Variants in NPR3 observed in about 807,000 individuals in gnomAD.
NPR3 encodes the protein atrial natriuretic peptide receptor 3.
NPR3 carries 34 observed loss-of-function variants against 54.5 expected under a neutral mutation model. The ratio of observed to expected loss-of-function variants is 0.62; its 90% CI spans 0.47 to 0.83. The LOEUF is 0.83. NPR3 is among the 40% of genes least tolerant of loss of function. The pLI, the probability that NPR3 is intolerant of heterozygous loss-of-function variation, is 0.00. For missense variants in NPR3, 674 were observed against 720.8 expected, an observed-to-expected ratio of 0.94 and a Z score of 0.74; for synonymous variants, 289 against 297.1, an observed-to-expected ratio of 0.97 and a Z score of 0.28.
At chr5:32,773,502 C>T (rs1371944297) in intron 3 of NPR3, among the ~76,000 whole-genome samples, 1 of 152,132 alleles carries the variant, frequency 6.6e-6, no homozygotes, top group Non-Finnish European at 1.5e-5. Context: ...CCCTGTTTCT[C>T]CTGCTCCCAG....
intron 1 of NPR3, among the ~76,000 whole-genome samples, chr5:32,702,484 C>T (rs550367768): frequency 2.8e-3 from 404 of 146,016 alleles, no homozygotes; most frequent in Admixed American, 5.3e-3. Flanking sequence ...TGTTCAATTC[C>T]CACCTATGAG....
intron 2 of NPR3, among the ~76,000 whole-genome samples, chr5:32,725,749 T>C (rs865896910): frequency 2.0e-5 from 3 of 152,374 alleles, no homozygotes; most frequent in Non-Finnish European, 2.9e-5. Context: ...ATGTGCATGT[T>C]ACACCTATGT....
upstream of NPR3, among the ~76,000 whole-genome samples, chr5:32,706,930 T>C (rs1300940124): frequency 9.2e-5 from 14 of 152,210 alleles, no homozygotes; most frequent in Admixed American, 7.2e-4. Flanking sequence ...ATAAAGTTCA[T>C]ATTTTAAATT....
intron 1 of NPR3, among the ~76,000 whole-genome samples, chr5:32,698,592 T>C (rs1366232800): frequency 6.6e-6 from 1 of 152,160 alleles, no homozygotes; most frequent in East Asian, 1.9e-4. Context: ...CTCCACCTAT[T>C]ATTGTATTGG....
chr5:32,720,039 C>T lies in NPR3; in HGVS notation c.770-4659C>T, dbSNP rs140311892. On this transcript the variant is annotated intron_variant, in intron 1 of 7. Coordinates refer to ENST00000265074, the MANE Select transcript of NPR3 (RefSeq NM_001204375.2). ...AAAGCAGTTGAACATGGATTTAGAT[C>T]TATTTCCAAAAGGGCCTGCTTGCTA... is the stretch of plus-strand genomic sequence containing the variant. Among the ~76,000 whole-genome samples the T allele has an allele frequency of 3.9e-3, 591 of 152,254 alleles. 4 individuals are homozygous for T. The highest frequency in any genetic ancestry group is 0.014 in the African/African-American group (568 of 41,542).
chr5:32,731,052 G>T (rs1304226853), intron 2 of NPR3, among the ~76,000 whole-genome samples: 1 of 152,174 alleles, frequency 6.6e-6, no homozygotes. Flanking sequence ...CAATGAGATT[G>T]AGTTTATGTA....
At chr5:32,707,997 A>T (rs1486047881), upstream of NPR3, among the ~76,000 whole-genome samples, 1 of 46,534 alleles carries the variant, frequency 2.1e-5, no homozygotes, top group East Asian at 2.5e-4. Flanking sequence ...TAGTAGCTTT[A>T]AAAAAAAAAA....
chr5:32,782,418 A>G (rs1459301119), intron 5 of NPR3, among the ~76,000 whole-genome samples: 1 of 151,926 alleles, frequency 6.6e-6, no homozygotes, highest in Admixed American at 6.6e-5. Context: ...TCTGGGACAG[A>G]TGGGTGGGAT....
Position 32,711,735 on chromosome 5 carries a change from G to A in NPR3, c.-42G>A. On this transcript the variant is annotated 5_prime_UTR_variant, in exon 1 of 8. Coordinates refer to ENST00000265074, the MANE Select transcript of NPR3 (RefSeq NM_001204375.2). The stretch of plus-strand genomic sequence containing the variant: ...AGGAAGGGTGGGTGGGGGGCAGAGG[G>A]CGAGTCGGCGGCGGCGAGGGCAAGC... 7.1e-7 allele frequency: 1 copy of A among 1,412,584 alleles called. No individual in the cohort carries two copies. The allele number at this position is 1,412,584 out of a possible 1,614,324, so 87.5% of individuals were successfully genotyped here. A position where few individuals can be genotyped will look rare whatever the true frequency, so the allele number is the denominator to read the frequency against.
At chr5:32,747,833 G>C (rs1740381994) in intron 3 of NPR3, among the ~76,000 whole-genome samples, 1 of 150,044 alleles carries the variant, frequency 6.7e-6, no homozygotes, top group Non-Finnish European at 1.5e-5. Context: ...TCAGCTCACT[G>C]CAACCTCCAC....
chr5:32,723,973 A>G lies in NPR3; in HGVS notation c.770-725A>G, dbSNP rs150023139. Among the ~76,000 whole-genome samples the G allele has an allele frequency of 1.2e-3, 177 of 152,256 alleles. 1 individual carries two copies. The highest frequency in any genetic ancestry group is 4.2e-3 in the African/African-American group (175 of 41,548). On this transcript the variant is annotated intron_variant, in intron 1 of 7. Transcript: ENST00000265074. Reference sequence around the variant, plus strand: ...TCAATATATGTGTACATATACATACACACACAGATAATACTTGTTATGAAC... The same window carrying G: ...TCAATATATGTGTACATATACATACGCACACAGATAATACTTGTTATGAAC...
chr5:32,763,023 G>A (rs1043986519), intron 3 of NPR3, among the ~76,000 whole-genome samples: 2 of 152,192 alleles, frequency 1.3e-5, no homozygotes, highest in Admixed American at 1.3e-4. Flanking sequence ...GTATAAGGAA[G>A]GGGTCAAGTT....
At chr5:32,763,476 A>ATT (rs34351463) in intron 3 of NPR3, among the ~76,000 whole-genome samples, 24,044 of 133,584 alleles carry the variant, frequency 0.18, 2,224 homozygotes, top group South Asian at 0.25. Context: ...CGCTCAGCTA[A>ATT]TTTTTTTTTT....
intron 3 of NPR3, among the ~76,000 whole-genome samples, chr5:32,774,300 T>C (rs1741923079): frequency 6.6e-6 from 1 of 152,220 alleles, no homozygotes; most frequent in Non-Finnish European, 1.5e-5. Flanking sequence ...TGTTCCATGT[T>C]CAGAGCATGA....
At chr5:32,783,929 T>C (rs932995294) in intron 6 of NPR3, among the ~76,000 whole-genome samples, 1 of 152,226 alleles carries the variant, frequency 6.6e-6, no homozygotes. Flanking sequence ...TACTAAACTC[T>C]AGATACAAGT....
chr5:32,707,982 T>C (rs1442863492), upstream of NPR3, among the ~76,000 whole-genome samples: 1 of 144,370 alleles, frequency 6.9e-6, no homozygotes, highest in Admixed American at 7.0e-5. Flanking sequence ...CTTGCCACCT[T>C]ATTGTAGTAG....
rs1239785409 is a variant in NPR3 at position 32,712,564 on chromosome 5, C to T, written c.769+19C>T. 2 of 1,502,006 alleles carry T rather than the reference C, an allele frequency of 1.3e-6. No homozygotes were observed. Among genetic ancestry groups the T allele is most frequent in the Admixed American group, 2.2e-5 (1 of 46,370 alleles). 93.0% of individuals were successfully genotyped at this position (1,502,006 alleles called of 1,614,324 possible). A position where few individuals can be genotyped will look rare whatever the true frequency, so the allele number is the denominator to read the frequency against. On this transcript the variant is annotated intron_variant, in intron 1 of 7. Transcript: ENST00000265074. ...GAGAGAGGTGAGCAGGGGCGCGTCC[C>T]GGGCCCCGGGCCCTAACCCAACCGC...
intron 4 of NPR3, among the ~76,000 whole-genome samples, chr5:32,779,990 G>A (rs1410752686): frequency 6.6e-6 from 1 of 152,182 alleles, no homozygotes; most frequent in African/African-American, 2.4e-5. Flanking sequence ...AGGTCATGGA[G>A]CTATGTAAAT....
At chr5:32,735,238 T>A (rs773299798) in intron 2 of NPR3, among the ~76,000 whole-genome samples, 2 of 152,142 alleles carry the variant, frequency 1.3e-5, no homozygotes, top group Non-Finnish European at 1.5e-5. Flanking sequence ...TTCCATGTCC[T>A]TCTAACCCCT....
Sources: gnomAD v4.1 joint callset for allele counts (sites outside exome capture counted in the v4.1 genomes callset) on GRCh38, gnomAD v4.1.1 for gene constraint, MANE v1.5 for transcripts, NCBI Gene and HGNC (gene_info 2026-07-23, HGNC 2026-07-21) for gene names.